Variants in RASA1 observed in about 807,000 individuals in gnomAD.
RASA1 encodes RAS p21 protein activator 1, also known as ras GTPase-activating protein 1.
In RASA1, 25 loss-of-function variants were observed where a neutral mutation model predicts 132.2. The observed-to-expected ratio is 0.19, with a 90% CI of 0.14 to 0.26. The LOEUF (loss-of-function observed/expected upper bound fraction) is 0.26. Among genes scored for constraint, RASA1 ranks in the 10% least tolerant of loss-of-function variants. The pLI is 1.00. For synonymous variants in RASA1, 477 were observed against 449.9 expected (o/e 1.06, Z -0.76); for missense variants, 964 against 1,299.2 (o/e 0.74, Z 3.97).
Position 87,268,729 on chromosome 5 carries a change from C to A in RASA1, c.278C>A (p.Ala93Asp). Residue 93 changes from alanine to aspartate, a missense_variant, in exon 1 of 25, where the codon GCT becomes GAT. Ala to Asp is a moderately radical substitution (Grantham distance 126). Transcript: ENST00000274376. The part of the protein sequence containing the change: ...GAGLTGGGTA[A>D]GVAGAAAGVA... ...GGACTGACAGGGGGAGGTACTGCTG[C>A]TGGCGTAGCTGGTGCTGCTGCTGGC... The A allele has an allele frequency of 6.2e-7, 1 of 1,612,764 alleles. No homozygotes were observed. Among genetic ancestry groups the A allele is most frequent in the Non-Finnish European group, 8.5e-7 (1 of 1,179,450 alleles).
chr5:87,373,033 CA>C (rs1241923675), intron 13 of RASA1, among the ~76,000 whole-genome samples: 1 of 152,050 alleles, frequency 6.6e-6, no homozygotes, highest in Non-Finnish European at 1.5e-5. Context: ...TGTAAGCTAT[CA>C]AAAATCAGAT....
intron 1 of RASA1, among the ~76,000 whole-genome samples, chr5:87,312,888 G>GA (rs1756024602): frequency 6.6e-6 from 1 of 152,118 alleles, no homozygotes; most frequent in African/African-American, 2.4e-5. Context: ...GTATGAGTGT[G>GA]AAAAAAATAC....
chr5:87,271,098 C>T (rs951596691), intron 1 of RASA1, among the ~76,000 whole-genome samples: 3 of 151,966 alleles, frequency 2.0e-5, no homozygotes, highest in Non-Finnish European at 2.9e-5. Context: ...ATTAGCCTGG[C>T]GTGGTGGCGG....
intron 5 of RASA1, 91 bp from the exon 6 acceptor site, chr5:87,341,199 G>C (rs1233133703): frequency 7.7e-6 from 5 of 651,926 alleles, no homozygotes; most frequent in Non-Finnish European, 1.1e-5. Context: ...ATAGTGTGGG[G>C]ATATGTTTGC....
At chr5:87,336,956 C>A (rs1489683711) in intron 4 of RASA1, among the ~76,000 whole-genome samples, 1 of 151,886 alleles carries the variant, frequency 6.6e-6, no homozygotes, top group Admixed American at 6.6e-5. Context: ...GTCCAAGATA[C>A]AATGAAGCTT....
chr5:87,378,114 C>CT (rs1761447405), intron 17 of RASA1, among the ~76,000 whole-genome samples: 1 of 152,148 alleles, frequency 6.6e-6, no homozygotes, highest in Admixed American at 6.5e-5. Flanking sequence ...TCTAATTGAT[C>CT]TTAAGTCATA....
chr5:87,312,114 T>C (rs577487199), intron 1 of RASA1, among the ~76,000 whole-genome samples: 10 of 152,360 alleles, frequency 6.6e-5, no homozygotes, highest in African/African-American at 2.4e-4. Flanking sequence ...ATGCAACCTA[T>C]GATATGCATC....
At chr5:87,271,216 C>T (rs1000359906) in intron 1 of RASA1, among the ~76,000 whole-genome samples, 1 of 151,914 alleles carries the variant, frequency 6.6e-6, no homozygotes, top group Non-Finnish European at 1.5e-5. Flanking sequence ...CCAGCCTGGG[C>T]AATAAGAGCT....
At position 87,333,216 on chromosome 5, in the gene RASA1, T is replaced by G. The variant is rs368599725; in HGVS notation, c.829-51T>G. On this transcript the variant is annotated intron_variant, in intron 3 of 24. Transcript: ENST00000274376. The stretch of plus-strand genomic sequence containing the variant: ...TTATGTGGATATACCTCTTTTGACT[T>G]TAAGATAAAAAGACTATCTTTTTAA... 1.1e-5 allele frequency: 17 copies of G among 1,600,822 alleles called. No homozygotes were observed. The African/African-American group carries it at 2.2e-4, about 20-fold the overall frequency.
intron 1 of RASA1, among the ~76,000 whole-genome samples, chr5:87,283,136 T>G (rs552011700): frequency 1.4e-3 from 132 of 93,166 alleles, no homozygotes; most frequent in African/African-American, 3.8e-3. Flanking sequence ...GTAAGTTTTG[T>G]TTTTTTTTTG....
chr5:87,352,073 T>G (rs1407827064), intron 8 of RASA1, among the ~76,000 whole-genome samples: 1 of 151,486 alleles, frequency 6.6e-6, no homozygotes, highest in African/African-American at 2.4e-5. Flanking sequence ...TTATATGGTA[T>G]TAGATTTTTT....
intron 17 of RASA1, among the ~76,000 whole-genome samples, chr5:87,377,448 AG>A (rs1761402977): frequency 6.6e-6 from 1 of 152,100 alleles, no homozygotes; most frequent in Admixed American, 6.5e-5. Flanking sequence ...CTCCTGCCTC[AG>A]CCTCCTAAGT....
intron 1 of RASA1, among the ~76,000 whole-genome samples, chr5:87,316,480 A>G (rs567378866): frequency 7.9e-4 from 121 of 152,286 alleles, no homozygotes; most frequent in Admixed American, 2.5e-3. Context: ...CATTTTTCTC[A>G]TCCTTAAATT....
At chr5:87,338,501 TTA>T (rs3069490) in intron 5 of RASA1, among the ~76,000 whole-genome samples, 37,905 of 75,470 alleles carry the variant, frequency 0.5, 9,149 homozygotes, top group Admixed American at 0.54. Flanking sequence ...CCAGCTAATT[TTA>T]TATATATATA....
intron 5 of RASA1, among the ~76,000 whole-genome samples, chr5:87,339,698 AAGTT>A (rs1220421860): frequency 1.3e-5 from 2 of 152,164 alleles, no homozygotes; most frequent in Non-Finnish European, 2.9e-5. Context: ...ATCAAGGAAA[AAGTT>A]AGCAACTCAG....
At chr5:87,346,017 T>G (rs899559447) in intron 6 of RASA1, among the ~76,000 whole-genome samples, 1 of 152,146 alleles carries the variant, frequency 6.6e-6, no homozygotes. Context: ...ACTTAGGTTA[T>G]TGTATGCTCT....
chr5:87,331,830 A>AG (rs1348376083), intron 2 of RASA1, among the ~76,000 whole-genome samples: 1 of 152,194 alleles, frequency 6.6e-6, no homozygotes, highest in Non-Finnish European at 1.5e-5. Context: ...CAAAAAGTGT[A>AG]GGAAACCCTG....
chr5:87,293,758 G>T (rs753327493), intron 1 of RASA1, among the ~76,000 whole-genome samples: 1 of 151,862 alleles, frequency 6.6e-6, no homozygotes, highest in Non-Finnish European at 1.5e-5. Context: ...ATAGATGTAG[G>T]TCTATTCAAG....
chr5:87,342,855 C>G (rs1405844755), intron 6 of RASA1, among the ~76,000 whole-genome samples: 1 of 152,042 alleles, frequency 6.6e-6, no homozygotes, highest in Non-Finnish European at 1.5e-5. Context: ...TAGATAATAG[C>G]AATGGAATTT....
Sources: gnomAD v4.1 joint callset for allele counts (sites outside exome capture counted in the v4.1 genomes callset) on GRCh38, gnomAD v4.1.1 for gene constraint, MANE v1.5 for transcripts, NCBI Gene and HGNC (gene_info 2026-07-23, HGNC 2026-07-21) for gene names.